Variants in SEMA5A observed in about 807,000 individuals in gnomAD.
SEMA5A encodes semaphorin 5A.
A neutral mutation model predicts 135.5 loss-of-function variants in SEMA5A; 55 were observed. The observed-to-expected ratio is 0.41, with a 90% CI of 0.33 to 0.51. The LOEUF is 0.51. SEMA5A is among the 20% of genes least tolerant of loss of function. The probability of loss-of-function intolerance (pLI) is 0.37; values close to 1 mark genes in which losing one functional copy is unlikely to be tolerated. For synonymous variants in SEMA5A, 580 were observed against 546.5 expected (o/e 1.06, Z -0.85); for missense variants, 1,290 against 1,419.9 (o/e 0.91, Z 1.47).
In SEMA5A at chr5:9,360,977, T is replaced by C. The variant is rs549494848; in HGVS notation, c.124+18846A>G. ...AAAGTATTTTTTAGGGGCATAACAA[T>C]AAATAAGACAGAAATCTTGCCCTTT... is the stretch of plus-strand genomic sequence containing the variant. On this transcript the variant is annotated intron_variant, in intron 3 of 22. Transcript: ENST00000382496. 6.5e-4 allele frequency among the ~76,000 whole-genome samples: 99 copies of C among 152,010 alleles called. 1 individual carries two copies. The highest frequency in any genetic ancestry group is 1.1e-3 in the Non-Finnish European group (78 of 67,992).
At chr5:9,051,223 C>T (rs1287188691) in intron 20 of SEMA5A, among the ~76,000 whole-genome samples, 1 of 152,166 alleles carries the variant, frequency 6.6e-6, no homozygotes, top group Admixed American at 6.5e-5. Context: ...AGAAAACTGG[C>T]TTATAGAATT....
chr5:9,312,607 T>C (rs992038176), intron 5 of SEMA5A, among the ~76,000 whole-genome samples: 8 of 152,184 alleles, frequency 5.3e-5, no homozygotes, highest in African/African-American at 1.7e-4. Context: ...CATATGGTCA[T>C]GCCAAGAGAT....
chr5:9,267,366 C>T (rs1749738967), intron 5 of SEMA5A, among the ~76,000 whole-genome samples: 1 of 152,240 alleles, frequency 6.6e-6, no homozygotes, highest in Non-Finnish European at 1.5e-5. Flanking sequence ...CTGAAACCAT[C>T]AATTCCTTGT....
chr5:9,058,676 T>C (rs1485184618), intron 18 of SEMA5A, among the ~76,000 whole-genome samples: 1 of 152,154 alleles, frequency 6.6e-6, no homozygotes, highest in African/African-American at 2.4e-5. Context: ...GAGACCTAAA[T>C]AGCAAAGTAA....
intron 1 of SEMA5A, among the ~76,000 whole-genome samples, chr5:9,530,659 T>C (rs933310693): frequency 1.2e-4 from 19 of 152,164 alleles, no homozygotes; most frequent in African/African-American, 4.1e-4. Context: ...TCTTGAGAAA[T>C]GCAAATAGTC....
intron 13 of SEMA5A, among the ~76,000 whole-genome samples, chr5:9,124,789 G>T (rs1292829188): frequency 6.6e-6 from 1 of 152,110 alleles, no homozygotes; most frequent in African/African-American, 2.4e-5. Flanking sequence ...GGAAACTTCA[G>T]CATCCTTGAG....
chr5:9,535,309 A>G (rs1737699474), intron 1 of SEMA5A, among the ~76,000 whole-genome samples: 1 of 152,134 alleles, frequency 6.6e-6, no homozygotes, highest in Non-Finnish European at 1.5e-5. Context: ...TGGTGATAGA[A>G]CCTAGGAATT....
At chr5:9,533,452 TTCTCCAAGTATGAACAGACCA>T (rs1737571226) in intron 1 of SEMA5A, among the ~76,000 whole-genome samples, 1 of 152,228 alleles carries the variant, frequency 6.6e-6, no homozygotes, top group Non-Finnish European at 1.5e-5. Flanking sequence ...TTAATGTCTT[TTCTCCAAGTATGAACAGACCA>T]TATTGTATAT....
chr5:9,224,921 T>G, intron 7 of SEMA5A, 34 bp from the exon 8 acceptor site: 1 of 1,580,808 alleles, frequency 6.3e-7, no homozygotes, highest in Non-Finnish European at 8.7e-7. Context: ...AGCAGTTATC[T>G]CTGCACAAGC....
At chr5:9,197,071 T>C in intron 10 of SEMA5A, 97 bp downstream of exon 10, 1 of 1,527,092 alleles carries the variant, frequency 6.5e-7, no homozygotes, top group East Asian at 2.3e-5. Flanking sequence ...GCATGGTGCA[T>C]GCACCCGCGG....
chr5:9,317,847 A>C (rs1343028825), intron 5 of SEMA5A, among the ~76,000 whole-genome samples: 1 of 152,204 alleles, frequency 6.6e-6, no homozygotes, highest in Non-Finnish European at 1.5e-5. Flanking sequence ...ACTTCATTTA[A>C]GTACAAGATC....
At chr5:9,113,276 A>G (rs747789826) in intron 15 of SEMA5A, among the ~76,000 whole-genome samples, 10 of 152,228 alleles carry the variant, frequency 6.6e-5, no homozygotes, top group African/African-American at 1.2e-4. Flanking sequence ...GGAATGTGAA[A>G]GTGGCTTTGA....
At chr5:9,295,712 C>T (rs148438293) in intron 5 of SEMA5A, among the ~76,000 whole-genome samples, 125 of 152,168 alleles carry the variant, frequency 8.2e-4, no homozygotes, top group African/African-American at 3.0e-3. Flanking sequence ...AAGATGATAC[C>T]TATCAAATAT....
chr5:9,312,344 CAAAAAAAA>C (rs11311020), intron 5 of SEMA5A, among the ~76,000 whole-genome samples: 2 of 88,556 alleles, frequency 2.3e-5, no homozygotes, highest in Admixed American at 1.1e-4. Flanking sequence ...CAGTGAGTTG[CAAAAAAAA>C]AAAAAAAAAA....
chr5:9,320,107 C>CTCACATGGGGGTA (rs1213301197), intron 4 of SEMA5A, among the ~76,000 whole-genome samples: 2 of 152,184 alleles, frequency 1.3e-5, no homozygotes, highest in African/African-American at 4.8e-5. Flanking sequence ...AGTTTGCCTC[C>CTCACATGGGGGTA]TCACATGGGG....
Position 9,051,956 on chromosome 5 carries a change from A to T in SEMA5A, c.2762T>A (p.Ile921Asn). Residue 921 changes from isoleucine (I) to asparagine (N), a missense_variant, in exon 20 of 23, where the codon ATC becomes AAC. By Grantham distance (149) the Ile-to-Asn change is moderately radical (BLOSUM62 -3). This residue lies in a region of SEMA5A where 1,029 missense variants were observed against 1,086.6 expected (regional missense o/e 0.95). Transcript: ENST00000382496. ...CTGGCTGCCCATGGGGAACAGGAGG[A>T]TGCACTGGCGGGCGCGGACTTGGAC... ...SGVQVRARQC[I>N]LLFPMGSQCS... is the part of the protein sequence containing the mutation. The T allele has an allele frequency of 6.2e-7, 1 of 1,614,146 alleles. No homozygotes were observed. The highest frequency in any genetic ancestry group is 8.5e-7 in the Non-Finnish European group (1 of 1,180,020).
At chr5:9,353,046 GAAGGAAAGGAAAGGAAGGA>G (rs1356823998) in intron 3 of SEMA5A, among the ~76,000 whole-genome samples, 2 of 109,396 alleles carry the variant, frequency 1.8e-5, no homozygotes, top group East Asian at 2.8e-4. Context: ...AAAGAAGAAG[GAAGGAAAGGAAAGGAAGGA>G]AAGGAAAGGA....
In SEMA5A at chr5:9,136,006, C is replaced by T. The variant is rs188760126; in HGVS notation, c.1599+498G>A. On this transcript the variant is annotated intron_variant, in intron 13 of 22. Transcript: ENST00000382496. ...GTCCTCTATGGGAACGCACACTAGG[C>T]GGTCTCTTCCAGACCTTCCTGTGAC... Among the ~76,000 whole-genome samples the T allele has an allele frequency of 5.8e-4, 88 of 152,300 alleles. 1 individual carries two copies. Among genetic ancestry groups the T allele is most frequent in the African/African-American group, 1.4e-3 (59 of 41,554 alleles).
At chr5:9,052,584 A>G (rs957788738) in intron 19 of SEMA5A, among the ~76,000 whole-genome samples, 1 of 152,202 alleles carries the variant, frequency 6.6e-6, no homozygotes, top group African/African-American at 2.4e-5. Flanking sequence ...CCGCAGAGTC[A>G]ACATGCCAAA....
Sources: gnomAD v4.1 joint callset for allele counts (sites outside exome capture counted in the v4.1 genomes callset) on GRCh38, gnomAD v4.1.1 for gene constraint, gnomAD v4.1.1 regional missense constraint, MANE v1.5 for transcripts, NCBI Gene and HGNC (gene_info 2026-07-23, HGNC 2026-07-21) for gene names.